TENM2: variants seen among roughly 807,000 people sequenced by gnomAD.
TENM2 encodes the protein teneurin-2.
A neutral mutation model predicts 245.2 loss-of-function variants in TENM2; 52 were observed. The observed-to-expected ratio is 0.21, with a 90% CI of 0.17 to 0.27. The LOEUF (loss-of-function observed/expected upper bound fraction) is 0.27, where lower values mean the gene tolerates loss of function less well. Ranked by LOEUF, TENM2 falls within the 10% of genes least tolerant of loss-of-function variation. The pLI, the probability that TENM2 is intolerant of heterozygous loss-of-function variation, is 1.00. For synonymous variants in TENM2, 1,363 were observed against 1,438.9 expected, an observed-to-expected ratio of 0.95 and a Z score of 1.19; for missense variants, 3,046 against 3,666.8, an observed-to-expected ratio of 0.83 and a Z score of 4.37.
chr5:167,203,551 C>A, the TENM2 span, among the ~76,000 whole-genome samples: 4 of 152,134 alleles, frequency 2.6e-5, no homozygotes, highest in Non-Finnish European at 4.4e-5. Context: ...AAATTGATAA[C>A]TTTCTTTCAT....
chr5:167,148,065 A>T, the TENM2 span, among the ~76,000 whole-genome samples: 1 of 152,220 alleles, frequency 6.6e-6, no homozygotes, highest in Non-Finnish European at 1.5e-5. Context: ...TGCTGTTAAA[A>T]TGATGCATAA....
chr5:168,203,852 T>C lies in TENM2; in HGVS notation c.3574+20T>C. ...AAAGTGGTACGTGAACACATCTTCT[T>C]TCCCAAATACAGCCTTGCCACTTCT... On this transcript the variant is annotated intron_variant, in intron 18 of 28. Coordinates refer to ENST00000518659, the Ensembl canonical transcript of TENM2. 6.3e-7 allele frequency: 1 copy of C among 1,585,900 alleles called. No individual in the cohort carries two copies. Among genetic ancestry groups the C allele is most frequent in the Non-Finnish European group, 8.6e-7 (1 of 1,159,238 alleles).
At chr5:168,117,287 A>T (rs1795150829) in intron 9 of TENM2, among the ~76,000 whole-genome samples, 2 of 152,220 alleles carry the variant, frequency 1.3e-5, no homozygotes, top group African/African-American at 2.4e-5. Context: ...TTTTTTTTCT[A>T]ATAAGTCAAG....
intron 15 of TENM2, among the ~76,000 whole-genome samples, chr5:168,195,552 G>A (rs556505359): frequency 3.1e-4 from 1 of 3,184 alleles, no homozygotes; most frequent in Admixed American, 5.0e-3. Context: ...GTCAATGCAC[G>A]TGTGTGTGTG....
intron 2 of TENM2, among the ~76,000 whole-genome samples, chr5:167,853,113 C>G (rs1283054171): frequency 2.7e-5 from 4 of 150,740 alleles, no homozygotes; most frequent in Admixed American, 6.6e-5. Context: ...GGTGAAACCC[C>G]GTCTCTACTA....
At chr5:167,755,319 A>G in intron 2 of TENM2, 1 of 647,050 alleles carries the variant, frequency 1.5e-6, no homozygotes, top group Non-Finnish European at 2.6e-6. Flanking sequence ...TTGACGGTGA[A>G]ACTATTTGAT....
At chr5:167,301,386 C>A (rs895117846) in intron 1 of TENM2, among the ~76,000 whole-genome samples, 2 of 152,156 alleles carry the variant, frequency 1.3e-5, no homozygotes, top group Non-Finnish European at 2.9e-5. Flanking sequence ...GGAGGAATGC[C>A]TGGCCACTGT....
chr5:167,644,512 G>T (rs1198296097), intron 2 of TENM2, among the ~76,000 whole-genome samples: 1 of 152,146 alleles, frequency 6.6e-6, no homozygotes, highest in Non-Finnish European at 1.5e-5. Flanking sequence ...AATAGTAAAG[G>T]TGGTGACATG....
At chr5:168,201,854 G>GGTTT (rs1761968561) in intron 17 of TENM2, among the ~76,000 whole-genome samples, 1 of 152,080 alleles carries the variant, frequency 6.6e-6, no homozygotes, top group South Asian at 2.1e-4. Context: ...TAGCGTGGTT[G>GGTTT]GTTGGTTGGT....
chr5:167,872,494 A>T (rs1398559877), intron 2 of TENM2, among the ~76,000 whole-genome samples: 3 of 12,764 alleles, frequency 2.4e-4, no homozygotes, highest in Non-Finnish European at 8.5e-4. Context: ...AAAAGAAAGA[A>T]AGAAAGAAAG....
chr5:168,134,335 G>A (rs559382537), intron 12 of TENM2, among the ~76,000 whole-genome samples: 2 of 152,224 alleles, frequency 1.3e-5, no homozygotes, highest in South Asian at 2.1e-4. Flanking sequence ...CTACCATAAA[G>A]TAAGAGCCAG....
chr5:166,986,349 C>T, the TENM2 span, among the ~76,000 whole-genome samples: 18 of 152,234 alleles, frequency 1.2e-4, no homozygotes, highest in Admixed American at 9.2e-4. Flanking sequence ...TTTTACTCTG[C>T]TCTCAGTTTA....
intron 9 of TENM2, among the ~76,000 whole-genome samples, chr5:168,101,677 G>A (rs969782333): frequency 2.6e-5 from 4 of 152,116 alleles, no homozygotes; most frequent in African/African-American, 9.7e-5. Flanking sequence ...TCCTGAAATC[G>A]GGCTTTGAAC....
At chr5:167,374,825 T>G (rs1760646913) in intron 1 of TENM2, among the ~76,000 whole-genome samples, 1 of 152,086 alleles carries the variant, frequency 6.6e-6, no homozygotes, top group Non-Finnish European at 1.5e-5. Context: ...TTGCAAAACA[T>G]TAAAAAATAT....
chr5:167,699,485 A>G (rs533845167), intron 2 of TENM2, among the ~76,000 whole-genome samples: 1 of 152,196 alleles, frequency 6.6e-6, no homozygotes, highest in Non-Finnish European at 1.5e-5. Flanking sequence ...CTCTTTCCAC[A>G]TCCCCAAGTC....
intron 2 of TENM2, among the ~76,000 whole-genome samples, chr5:167,491,717 AG>A (rs1225265377): frequency 6.6e-6 from 1 of 152,160 alleles, no homozygotes; most frequent in African/African-American, 2.4e-5. Context: ...TTGTTTGAAC[AG>A]TCCACAAGGT....
chr5:167,424,696 A>T (rs1338657923), intron 2 of TENM2, among the ~76,000 whole-genome samples: 1 of 151,972 alleles, frequency 6.6e-6, no homozygotes. Context: ...CTTGTTTTGT[A>T]TTGTGGAAGT....
At chr5:167,889,330 A>G (rs1326873228) in intron 3 of TENM2, among the ~76,000 whole-genome samples, 2 of 152,144 alleles carry the variant, frequency 1.3e-5, no homozygotes, top group African/African-American at 4.8e-5. Flanking sequence ...GCTGTGGGAC[A>G]GGACTATCTT....
At chr5:167,625,309 T>C (rs1381036679) in intron 2 of TENM2, among the ~76,000 whole-genome samples, 1 of 152,192 alleles carries the variant, frequency 6.6e-6, no homozygotes, top group Non-Finnish European at 1.5e-5. Context: ...TTGTAAAATA[T>C]AAGAAGACCA....
Sources: allele counts gnomAD v4.1 joint callset (sites outside exome capture counted in the v4.1 genomes callset), GRCh38; gene constraint gnomAD v4.1.1; transcripts MANE v1.5; gene names NCBI Gene and HGNC (gene_info 2026-07-23, HGNC 2026-07-21).